Variants in ILDR1 observed in about 807,000 individuals in gnomAD.
ILDR1 encodes the protein immunoglobulin like domain containing receptor 1, also known as immunoglobulin-like domain-containing receptor 1.
In ILDR1, 56 loss-of-function variants were observed where a neutral mutation model predicts 62.4. The observed-to-expected ratio is 0.90, with a 90% CI of 0.72 to 1.12. The LOEUF is 1.12. ILDR1 is among the 50% of genes most tolerant of loss of function. The probability of loss-of-function intolerance (pLI) is 0.00; values close to 1 mark genes in which losing one functional copy is unlikely to be tolerated. For missense variants in ILDR1, 736 were observed against 710.6 expected, an observed-to-expected ratio of 1.04 and a Z score of -0.41; for synonymous variants, 284 against 277.8, an observed-to-expected ratio of 1.02 and a Z score of -0.22.
the ILDR1 span, among the ~76,000 whole-genome samples, chr3:122,037,787 C>T: frequency 6.6e-6 from 1 of 152,066 alleles, no homozygotes; most frequent in Non-Finnish European, 1.5e-5. Context: ...GTGTCCCCAC[C>T]CAAATCTCAT....
the ILDR1 span, among the ~76,000 whole-genome samples, chr3:122,041,787 T>G: frequency 1.7e-4 from 26 of 152,166 alleles, no homozygotes; most frequent in African/African-American, 6.3e-4. Context: ...ATTCATTTAT[T>G]AGATTTAACT....
In ILDR1 at chr3:122,007,086, C is replaced by G. The variant is rs752169579; in HGVS notation, c.134G>C (p.Cys45Ser). Residue 45 changes from cysteine (C) to serine (S), a missense_variant, in exon 2 of 8, where the codon TGT becomes TCT. By Grantham distance (112) the Cys-to-Ser change is moderately radical. Transcript: ENST00000344209. Reference sequence around the variant, plus strand: ...GAGCTGGGCAGAGGTGGTGTAGTCACATTTGAGGATGATAGAGGCAAACAG... The same window carrying G: ...GAGCTGGGCAGAGGTGGTGTAGTCAGATTTGAGGATGATAGAGGCAAACAG... ...VTLFASIILK[C>S]DYTTSAQLQD... 3 of 1,614,112 alleles carry G rather than the reference C, an allele frequency of 1.9e-6. No individual in the cohort carries two copies. Among genetic ancestry groups the G allele is most frequent in the Non-Finnish European group, 2.5e-6 (3 of 1,180,010 alleles).
intron 7 of ILDR1, among the ~76,000 whole-genome samples, chr3:121,992,885 T>C (rs2071370291): frequency 6.6e-6 from 1 of 152,234 alleles, no homozygotes; most frequent in African/African-American, 2.4e-5. Flanking sequence ...TCGCTTGGCC[T>C]ACCCCACAGG....
At chr3:122,016,480 A>C (rs945655335) in intron 1 of ILDR1, among the ~76,000 whole-genome samples, 2 of 152,278 alleles carry the variant, frequency 1.3e-5, no homozygotes, top group Admixed American at 1.3e-4. Context: ...TGCTTGGAAC[A>C]AATTTTAAGT....
chr3:122,007,186 G>A (rs751527472), intron 1 of ILDR1, 25 bp from the exon 2 acceptor site: 2 of 1,614,090 alleles, frequency 1.2e-6, no homozygotes. Context: ...AGGAGAAAAT[G>A]CTGAAGGTGA....
intron 7 of ILDR1, among the ~76,000 whole-genome samples, chr3:121,992,020 TC>T (rs2071355715): frequency 6.6e-6 from 1 of 152,214 alleles, no homozygotes; most frequent in Non-Finnish European, 1.5e-5. Flanking sequence ...AGAGAAAAGA[TC>T]TTCATGGGTA....
At chr3:122,051,829 G>A in the ILDR1 span, among the ~76,000 whole-genome samples, 5 of 152,188 alleles carry the variant, frequency 3.3e-5, no homozygotes, top group Middle Eastern at 3.4e-3. Context: ...AAAGATTCTG[G>A]GGACCTCTCA....
At chr3:122,010,746 C>T (rs939516802) in intron 1 of ILDR1, among the ~76,000 whole-genome samples, 1 of 152,180 alleles carries the variant, frequency 6.6e-6, no homozygotes, top group Non-Finnish European at 1.5e-5. Context: ...TTGCCATTGT[C>T]AACACTGGCT....
chr3:122,025,683 A>T (rs368164912), upstream of ILDR1, among the ~76,000 whole-genome samples: 1 of 152,190 alleles, frequency 6.6e-6, no homozygotes, highest in East Asian at 1.9e-4. Context: ...GAATAATGTA[A>T]TATTTGTACA....
upstream of ILDR1, among the ~76,000 whole-genome samples, chr3:122,023,548 T>C (rs1410980760): frequency 6.6e-6 from 1 of 152,122 alleles, no homozygotes; most frequent in Non-Finnish European, 1.5e-5. Context: ...TTACCCTGCG[T>C]TGCTGATATC....
intron 1 of ILDR1, among the ~76,000 whole-genome samples, chr3:122,020,992 T>C (rs533378218): frequency 1.3e-5 from 2 of 152,328 alleles, no homozygotes; most frequent in East Asian, 3.9e-4. Context: ...TGATTATACC[T>C]GAGAAATTCG....
chr3:122,022,223 T>C lies in ILDR1; in HGVS notation c.-146A>G. 1 of 692,680 alleles carries C rather than the reference T, an allele frequency of 1.4e-6. No individual in the cohort carries two copies. Among genetic ancestry groups the C allele is most frequent in the South Asian group, 2.0e-5 (1 of 50,468 alleles). The allele number at this position is 692,680 out of a possible 1,614,324, so 42.9% of individuals were successfully genotyped here. On this transcript the variant is annotated 5_prime_UTR_variant, in exon 1 of 8. Coordinates refer to ENST00000344209, the MANE Select transcript of ILDR1 (RefSeq NM_001199799.2). ...GGCGCAGCGGGGAGGGAGCGTCCGC[T>C]CTGGTCCCGGGGCAGGTGCCGCCCG...
chr3:122,016,281 T>A (rs1008799810), intron 1 of ILDR1, among the ~76,000 whole-genome samples: 10 of 152,260 alleles, frequency 6.6e-5, no homozygotes, highest in African/African-American at 1.9e-4. Flanking sequence ...TTGTGGTACC[T>A]TGTATCCTTC....
At chr3:121,991,215 GAA>G (rs1270638404) in intron 7 of ILDR1, among the ~76,000 whole-genome samples, 1 of 151,758 alleles carries the variant, frequency 6.6e-6, no homozygotes, top group Non-Finnish European at 1.5e-5. Flanking sequence ...AAAAAAAAAA[GAA>G]AGCCTGGAAA....
the ILDR1 span, among the ~76,000 whole-genome samples, chr3:122,058,625 T>G: frequency 6.6e-6 from 1 of 151,046 alleles, no homozygotes; most frequent in Admixed American, 6.6e-5. Flanking sequence ...TAATGGGGAG[T>G]AATAATAGAG....
chr3:122,029,504 T>TAA, the ILDR1 span, among the ~76,000 whole-genome samples: 12,347 of 138,280 alleles, frequency 0.089, 655 homozygotes, highest in South Asian at 0.13. Context: ...ACACTCCGTC[T>TAA]AAAAAAAATA....
chr3:121,997,678 G>T (rs939082347), intron 5 of ILDR1, among the ~76,000 whole-genome samples: 1 of 152,218 alleles, frequency 6.6e-6, no homozygotes, highest in Non-Finnish European at 1.5e-5. Flanking sequence ...GGCAGAAGGA[G>T]ATGGGGCAGG....
chr3:122,001,224 CTT>C, intron 5 of ILDR1, 82 bp downstream of exon 5: 1 of 1,486,164 alleles, frequency 6.7e-7, no homozygotes, highest in Non-Finnish European at 9.4e-7. Flanking sequence ...CTGGAAGAAT[CTT>C]TGACCTGGCA....
At chr3:122,001,552 G>A in intron 4 of ILDR1, 98 bp from the exon 5 acceptor site, 1 of 1,508,672 alleles carries the variant, frequency 6.6e-7, no homozygotes, top group Non-Finnish European at 9.2e-7. Flanking sequence ...CACAGCTCTT[G>A]ACCTACAGGT....
Sources: gnomAD v4.1 joint callset for allele counts (sites outside exome capture counted in the v4.1 genomes callset) on GRCh38, gnomAD v4.1.1 for gene constraint, MANE v1.5 for transcripts, NCBI Gene and HGNC (gene_info 2026-07-23, HGNC 2026-07-21) for gene names.